CMTM7: variants seen among roughly 807,000 people sequenced by gnomAD.
CMTM7 encodes CKLF-like MARVEL transmembrane domain-containing protein 7.
CMTM7 carries 7 observed loss-of-function variants against 19.3 expected under a neutral mutation model. That is an observed-to-expected ratio of 0.36 (90% CI 0.21 to 0.68). The LOEUF is 0.68. Among genes scored for constraint, CMTM7 ranks in the 30% least tolerant of loss-of-function variants. CMTM7 has a pLI of 0.60. For missense variants in CMTM7, 193 were observed against 232.6 expected (o/e 0.83, Z 1.11); for synonymous variants, 87 against 99.3 (o/e 0.88, Z 0.74).
chr3:32,433,519 G>T (rs939135541), intron 1 of CMTM7, among the ~76,000 whole-genome samples: 2 of 152,198 alleles, frequency 1.3e-5, no homozygotes, highest in South Asian at 4.1e-4. Context: ...CCCTCCGGGG[G>T]CATTTGATGA....
At chr3:32,392,117 G>A (rs1394360170) in intron 1 of CMTM7, 52 bp downstream of exon 1, 7 of 1,209,982 alleles carry the variant, frequency 5.8e-6, no homozygotes, top group Non-Finnish European at 6.2e-6. Flanking sequence ...TCCCGGGAAA[G>A]CAGGGGTCCG....
At chr3:32,419,747 G>A (rs347161) in intron 1 of CMTM7, among the ~76,000 whole-genome samples, 63,817 of 151,986 alleles carry the variant, frequency 0.42, 13,679 homozygotes, top group South Asian at 0.48. Context: ...TGGTACATTT[G>A]TATTTCTTAT....
In CMTM7 at chr3:32,416,392, TTTTTTGA is replaced by T. The variant is rs1394842528; in HGVS notation, c.159+24328_159+24334del. Reference sequence around the variant, plus strand: ...TTTTTTTTTTTTTTTTTTTTTTTTTTTTTTTGAGACGGAGTCTCGCTCTGTCCCCCAG... The same window carrying T: ...TTTTTTTTTTTTTTTTTTTTTTTTTTGACGGAGTCTCGCTCTGTCCCCCAG... On this transcript the variant is annotated intron_variant, in intron 1 of 4. Coordinates refer to ENST00000334983, the MANE Select transcript of CMTM7 (RefSeq NM_138410.4). Among the ~76,000 whole-genome samples the T allele has an allele frequency of 2.8e-3, 270 of 98,044 alleles. 2 individuals carry two copies. Among genetic ancestry groups the T allele is most frequent in the South Asian group, 0.012 (29 of 2,488 alleles). 64.3% of individuals were successfully genotyped at this position (98,044 alleles called of 152,430 possible). A position where few individuals can be genotyped will look rare whatever the true frequency, so the allele number is the denominator to read the frequency against.
intron 1 of CMTM7, among the ~76,000 whole-genome samples, chr3:32,440,259 T>A (rs1294742524): frequency 6.6e-6 from 1 of 151,660 alleles, no homozygotes; most frequent in Non-Finnish European, 1.5e-5. Flanking sequence ...ATGCAAAAAT[T>A]AGCTGGGCAT....
intron 2 of CMTM7, among the ~76,000 whole-genome samples, chr3:32,442,342 A>G (rs1229613848): frequency 1.3e-5 from 2 of 151,772 alleles, no homozygotes; most frequent in African/African-American, 4.8e-5. Flanking sequence ...ACTAAAAAAT[A>G]CAAAAAATCA....
intron 1 of CMTM7, among the ~76,000 whole-genome samples, chr3:32,393,006 C>T (rs924594285): frequency 2.6e-5 from 4 of 152,112 alleles, no homozygotes; most frequent in Non-Finnish European, 5.9e-5. Context: ...GTAATGTTTG[C>T]ACCAAGAACG....
intron 1 of CMTM7, among the ~76,000 whole-genome samples, chr3:32,409,916 C>G (rs1346629079): frequency 6.6e-6 from 1 of 152,186 alleles, no homozygotes; most frequent in East Asian, 1.9e-4. Flanking sequence ...CAGATGTCAC[C>G]TCCTTGGGAT....
intron 1 of CMTM7, among the ~76,000 whole-genome samples, chr3:32,406,025 G>A (rs920421613): frequency 6.6e-6 from 1 of 152,208 alleles, no homozygotes; most frequent in African/African-American, 2.4e-5. Context: ...GGTGATACCA[G>A]TTTCTTGTGT....
chr3:32,447,781 T>G (rs1696773639), intron 2 of CMTM7, among the ~76,000 whole-genome samples: 1 of 152,200 alleles, frequency 6.6e-6, no homozygotes, highest in South Asian at 2.1e-4. Context: ...GCGTGCCATT[T>G]CCTTATCTTT....
chr3:32,429,094 C>A (rs1167649134), intron 1 of CMTM7, among the ~76,000 whole-genome samples: 2 of 152,158 alleles, frequency 1.3e-5, no homozygotes, highest in Non-Finnish European at 2.9e-5. Flanking sequence ...TTGAATGAAG[C>A]CCCATTGTGT....
chr3:32,417,510 A>G (rs896543661), intron 1 of CMTM7, among the ~76,000 whole-genome samples: 4 of 152,250 alleles, frequency 2.6e-5, no homozygotes, highest in Non-Finnish European at 5.9e-5. Flanking sequence ...TGAAGTTGCT[A>G]TAAACATTCA....
rs184755125 is a variant in CMTM7, at chr3:32,426,060, G to A, written c.160-15780G>A. Among the ~76,000 whole-genome samples the A allele has an allele frequency of 6.4e-4, 97 of 152,238 alleles. No individual in the cohort carries two copies. In the East Asian group the frequency reaches 0.014, roughly 22 times the overall value. ...CTTGGGAGGCTAAGGCAGGAGAATC[G>A]CTTGAACCTGGGAGGCAGAGTTTGC... On this transcript the variant is annotated intron_variant, in intron 1 of 4. Transcript: ENST00000334983.
chr3:32,420,680 T>C (rs1027695688), intron 1 of CMTM7, among the ~76,000 whole-genome samples: 3 of 152,206 alleles, frequency 2.0e-5, no homozygotes, highest in African/African-American at 4.8e-5. Context: ...TCTGCCTGAC[T>C]GAAGGGCGGT....
intron 1 of CMTM7, among the ~76,000 whole-genome samples, chr3:32,417,814 G>T (rs552275289): frequency 3.1e-4 from 44 of 144,232 alleles, no homozygotes; most frequent in Admixed American, 1.4e-3. Flanking sequence ...TTTGTTTTTG[G>T]TTTTTTTTTT....
At chr3:32,410,358 A>G (rs1177993917) in intron 1 of CMTM7, among the ~76,000 whole-genome samples, 1 of 152,226 alleles carries the variant, frequency 6.6e-6, no homozygotes, top group Non-Finnish European at 1.5e-5. Context: ...AATACTCATC[A>G]TCTTTTTTCA....
intron 1 of CMTM7, among the ~76,000 whole-genome samples, chr3:32,392,617 C>G (rs1303671481): frequency 6.6e-6 from 1 of 152,204 alleles, no homozygotes; most frequent in Non-Finnish European, 1.5e-5. Flanking sequence ...GAACTGGGAC[C>G]GTTGAGACGG....
chr3:32,437,620 C>T (rs956989911), intron 1 of CMTM7, among the ~76,000 whole-genome samples: 5 of 151,334 alleles, frequency 3.3e-5, no homozygotes, highest in African/African-American at 9.7e-5. Flanking sequence ...AGGCCGGGCG[C>T]GGTGGCTCAC....
intron 1 of CMTM7, among the ~76,000 whole-genome samples, chr3:32,424,833 A>G (rs901101028): frequency 2.6e-5 from 4 of 152,052 alleles, no homozygotes; most frequent in African/African-American, 9.7e-5. Context: ...TTTTGTAGAG[A>G]TGGGGTTTTG....
intron 2 of CMTM7, among the ~76,000 whole-genome samples, chr3:32,448,041 C>A (rs954034010): frequency 6.6e-6 from 1 of 152,090 alleles, no homozygotes; most frequent in South Asian, 2.1e-4. Context: ...TTACCTGATG[C>A]AGATACTGAA....
Sources: allele counts gnomAD v4.1 joint callset (sites outside exome capture counted in the v4.1 genomes callset), GRCh38; gene constraint gnomAD v4.1.1; transcripts MANE v1.5; gene names NCBI Gene and HGNC (gene_info 2026-07-23, HGNC 2026-07-21).